Variants in ATRNL1 observed in about 807,000 individuals in gnomAD.
ATRNL1 encodes the protein attractin like 1.
In ATRNL1, 95 loss-of-function variants were observed where a neutral mutation model predicts 182.7. The observed-to-expected ratio is 0.52, with a 90% confidence interval of 0.44 to 0.62. ATRNL1 has a LOEUF of 0.62. ATRNL1 is among the 20% of genes least tolerant of loss of function. ATRNL1 has a pLI of 0.00. For synonymous variants in ATRNL1, 576 were observed against 568.3 expected (o/e 1.01, Z -0.19); for missense variants, 1,471 against 1,679.5 (o/e 0.88, Z 2.17).
intron 21 of ATRNL1, among the ~76,000 whole-genome samples, chr10:115,439,578 A>T (rs79822880): frequency 0.019 from 2,840 of 152,004 alleles, 107 homozygotes; most frequent in African/African-American, 0.066. Flanking sequence ...AGGGTGAGTA[A>T]TGCACCCCGA....
chr10:115,650,362 C>G (rs1555034004), intron 26 of ATRNL1, among the ~76,000 whole-genome samples: 1 of 111,296 alleles, frequency 9.0e-6, no homozygotes, highest in Non-Finnish European at 2.0e-5. Context: ...CATTGTTTAT[C>G]TTATATTGTT....
At chr10:115,206,768 T>C (rs1380755307) in intron 8 of ATRNL1, among the ~76,000 whole-genome samples, 2 of 152,116 alleles carry the variant, frequency 1.3e-5, no homozygotes, top group Non-Finnish European at 2.9e-5. Context: ...ACATGCGCCA[T>C]GTTGGTTTGC....
rs375594973 is a variant in ATRNL1, at chr10:115,158,405, A to T, written c.830-1635A>T. On this transcript the variant is annotated intron_variant, in intron 5 of 28. Transcript: ENST00000355044. The stretch of plus-strand genomic sequence containing the variant: ...TGAATGAACATGGCTGTGTTTTAAT[A>T]AAACTATTAAATGATTTCTAAGTTA... 6.8e-4 allele frequency among the ~76,000 whole-genome samples: 103 copies of T among 152,180 alleles called. 2 individuals are homozygous for T. In the South Asian group the frequency reaches 0.021, roughly 31 times the overall value.
At chr10:115,642,821 C>G (rs1555030921) in intron 26 of ATRNL1, among the ~76,000 whole-genome samples, 1 of 152,076 alleles carries the variant, frequency 6.6e-6, no homozygotes, top group Non-Finnish European at 1.5e-5. Flanking sequence ...ATAGCCTGAG[C>G]AATTTTGAGA....
At chr10:115,161,904 A>C (rs1554883396) in intron 6 of ATRNL1, among the ~76,000 whole-genome samples, 1 of 152,120 alleles carries the variant, frequency 6.6e-6, no homozygotes, top group African/African-American at 2.4e-5. Context: ...GTGGAATTTA[A>C]TTGGGGTGGA....
In ATRNL1 at chr10:115,281,096, A is replaced by G. The variant is rs557132929; in HGVS notation, c.2101-259A>G. Among the ~76,000 whole-genome samples the G allele has an allele frequency of 6.6e-5, 10 of 152,348 alleles. 1 individual carries two copies. The East Asian group carries it at 1.5e-3, about 23-fold the overall frequency. ...TGGGACTCAACTATCTGTTACAAGAATATGCTTGTAAGTTAGGTTGCAGTT... is the reference window on the plus strand; with the variant it reads ...TGGGACTCAACTATCTGTTACAAGAGTATGCTTGTAAGTTAGGTTGCAGTT... On this transcript the variant is annotated intron_variant, in intron 13 of 28. Coordinates refer to ENST00000355044, the MANE Select transcript of ATRNL1 (RefSeq NM_207303.4).
At chr10:115,562,435 T>C (rs1555000067) in intron 26 of ATRNL1, among the ~76,000 whole-genome samples, 2 of 152,180 alleles carry the variant, frequency 1.3e-5, no homozygotes, top group African/African-American at 4.8e-5. Context: ...TTAAATATTA[T>C]TGAATCTTAT....
chr10:115,925,830 A>G (rs782215046), intron 28 of ATRNL1, among the ~76,000 whole-genome samples: 2 of 151,964 alleles, frequency 1.3e-5, no homozygotes, highest in Middle Eastern at 3.4e-3. Flanking sequence ...ATTTTAACAC[A>G]CTTTCAATAT....
At chr10:115,683,620 C>G (rs1946126401) in intron 26 of ATRNL1, among the ~76,000 whole-genome samples, 1 of 144,944 alleles carries the variant, frequency 6.9e-6, no homozygotes, top group African/African-American at 2.5e-5. Context: ...GCCTCACTGA[C>G]TAGATAACTT....
chr10:115,485,907 C>A (rs1010342564), intron 24 of ATRNL1, among the ~76,000 whole-genome samples: 1 of 150,342 alleles, frequency 6.7e-6, no homozygotes, highest in Admixed American at 6.6e-5. Context: ...CCCCACCCCC[C>A]AATAGGCCCT....
chr10:115,944,574 T>C, intron 28 of ATRNL1, 84 bp from the exon 29 acceptor site: 1 of 1,181,880 alleles, frequency 8.5e-7, no homozygotes, highest in South Asian at 2.1e-5. Context: ...TGAAAAGCAA[T>C]AAAAAGCAGG....
intron 28 of ATRNL1, among the ~76,000 whole-genome samples, chr10:115,920,961 G>T (rs1555118576): frequency 6.6e-6 from 1 of 152,140 alleles, no homozygotes; most frequent in African/African-American, 2.4e-5. Context: ...TGAGAAGTTA[G>T]AAATAGTACA....
intron 27 of ATRNL1, among the ~76,000 whole-genome samples, chr10:115,803,799 G>A (rs1949855054): frequency 6.6e-6 from 1 of 151,892 alleles, no homozygotes; most frequent in African/African-American, 2.4e-5. Flanking sequence ...GGTATACTTT[G>A]TTATGAACAT....
chr10:115,301,919 C>T lies in ATRNL1; in HGVS notation c.2694C>T (p.Asn898=). The T allele has an allele frequency of 6.2e-7, 1 of 1,614,006 alleles. No individual in the cohort carries two copies. Among genetic ancestry groups the T allele is most frequent in the Non-Finnish European group, 8.5e-7 (1 of 1,179,906 alleles). ...GCTCTCTGAGGACATCATGTTCCAA[C>T]TGTACAAGCAATGGCATGGAGTGTA... ...KPCSLRTSCS[N]CTSNGMECMW... Residue 898 remains asparagine (N), a synonymous_variant, in exon 17 of 29, where the codon AAC becomes AAT. Transcript: ENST00000355044.
In ATRNL1 at chr10:115,410,729, TA is replaced by T. The variant is rs547739961; in HGVS notation, c.3270-15516del. Among the ~76,000 whole-genome samples the T allele has an allele frequency of 5.5e-3, 831 of 152,248 alleles. 9 individuals are homozygous for T. Among genetic ancestry groups the T allele is most frequent in the African/African-American group, 0.019 (800 of 41,550 alleles). ...CCTTTTATATCTTTATATCTTCATT[TA>T]AAAAGAAATATTTTATTTTCAGAGA... On this transcript the variant is annotated intron_variant, in intron 20 of 28. Transcript: ENST00000355044.
At chr10:115,318,443 G>T (rs1410013177) in intron 18 of ATRNL1, among the ~76,000 whole-genome samples, 1 of 152,126 alleles carries the variant, frequency 6.6e-6, no homozygotes, top group Admixed American at 6.6e-5. Flanking sequence ...CAGTTGTTTG[G>T]AATAGTTTCA....
chr10:115,393,914 T>C (rs556920161), intron 19 of ATRNL1, among the ~76,000 whole-genome samples: 10 of 152,046 alleles, frequency 6.6e-5, no homozygotes, highest in Non-Finnish European at 1.5e-4. Context: ...ACCAAATTAA[T>C]CATGCAACTT....
In ATRNL1 at chr10:115,727,331, A is replaced by AGGG; in HGVS notation, c.3880_3881insGGG (p.Thr1293_Glu1294insGly). On this transcript the variant is annotated inframe_insertion, in exon 27 of 29. Coordinates refer to ENST00000355044, the MANE Select transcript of ATRNL1 (RefSeq NM_207303.4). The stretch of plus-strand genomic sequence containing the variant: ...CTCTGGAAGTGGGAGCTGAACAAAC[A>AGGG]GAGTTTCTGCGAGGGCCATTAGAGG... The AGGG allele has an allele frequency of 6.2e-7, 1 of 1,614,078 alleles. No individual in the cohort carries two copies. Among genetic ancestry groups the AGGG allele is most frequent in the Non-Finnish European group, 8.5e-7 (1 of 1,179,960 alleles).
chr10:115,355,126 A>G (rs1197859105), intron 19 of ATRNL1, among the ~76,000 whole-genome samples: 2 of 152,116 alleles, frequency 1.3e-5, no homozygotes, highest in African/African-American at 4.8e-5. Context: ...CTGCCACTCT[A>G]GAATTGGTCA....
Sources: gnomAD v4.1 joint callset for allele counts (sites outside exome capture counted in the v4.1 genomes callset) on GRCh38, gnomAD v4.1.1 for gene constraint, MANE v1.5 for transcripts, NCBI Gene and HGNC (gene_info 2026-07-23, HGNC 2026-07-21) for gene names.